C1orf185: variants seen among roughly 807,000 people sequenced by gnomAD.
C1orf185 encodes the protein chromosome 1 open reading frame 185.
A neutral mutation model predicts 16.1 loss-of-function variants in C1orf185; 13 were observed. The observed-to-expected ratio is 0.81, with a 90% CI of 0.53 to 1.28. The LOEUF is 1.28. C1orf185 is among the 50% of genes most tolerant of loss of function. The pLI, the probability that C1orf185 is intolerant of heterozygous loss-of-function variation, is 0.00. For missense variants in C1orf185, 220 were observed against 225.2 expected (o/e 0.98, Z 0.15); for synonymous variants, 80 against 76.9 (o/e 1.04, Z -0.21).
intron 2 of C1orf185, among the ~76,000 whole-genome samples, chr1:51,115,070 C>T (rs113697197): frequency 9.9e-5 from 15 of 152,060 alleles, no homozygotes; most frequent in East Asian, 3.9e-4. Flanking sequence ...TGAGGCCGGG[C>T]GCAGTGGCTG....
intron 2 of C1orf185, among the ~76,000 whole-genome samples, chr1:51,115,378 T>C (rs1380912990): frequency 6.6e-6 from 1 of 152,234 alleles, no homozygotes; most frequent in Non-Finnish European, 1.5e-5. Context: ...ATATTGCATT[T>C]ATCCATCCAT....
At chr1:51,144,367 A>C (rs1198272115) in intron 3 of C1orf185, among the ~76,000 whole-genome samples, 1 of 152,220 alleles carries the variant, frequency 6.6e-6, no homozygotes, top group Non-Finnish European at 1.5e-5. Context: ...AGGTAAGGCC[A>C]GGAAGCCCAT....
At chr1:51,131,635 G>T (rs988025650) in intron 3 of C1orf185, among the ~76,000 whole-genome samples, 1 of 151,976 alleles carries the variant, frequency 6.6e-6, no homozygotes, top group Non-Finnish European at 1.5e-5. Flanking sequence ...GAGAGAGAGA[G>T]AAAGGAAGAA....
At chr1:51,127,885 G>GTTTTT (rs769457494) in intron 3 of C1orf185, among the ~76,000 whole-genome samples, 20 of 115,296 alleles carry the variant, frequency 1.7e-4, no homozygotes, top group Non-Finnish European at 2.6e-4. Context: ...TCTTTTCTTT[G>GTTTTT]TTTTTTTTTT....
intron 3 of C1orf185, among the ~76,000 whole-genome samples, chr1:51,138,188 T>C (rs938238767): frequency 3.9e-5 from 6 of 152,298 alleles, no homozygotes; most frequent in South Asian, 2.1e-4. Context: ...CCTGCACATG[T>C]ACTCCTGAAC....
At chr1:51,119,899 C>T (rs1401716468) in intron 3 of C1orf185, among the ~76,000 whole-genome samples, 1 of 151,952 alleles carries the variant, frequency 6.6e-6, no homozygotes, top group Non-Finnish European at 1.5e-5. Flanking sequence ...TAGATGAGCT[C>T]AAAATCAGTA....
chr1:51,122,521 G>T (rs1020286997), intron 3 of C1orf185, among the ~76,000 whole-genome samples: 4 of 152,104 alleles, frequency 2.6e-5, no homozygotes, highest in African/African-American at 9.7e-5. Context: ...CCCCACACAG[G>T]CACAGCCTCC....
intron 1 of C1orf185, among the ~76,000 whole-genome samples, chr1:51,103,450 A>ACACAC (rs756442424): frequency 0.11 from 5,475 of 51,540 alleles, 172 homozygotes; most frequent in Admixed American, 0.21. Context: ...CACACACACA[A>ACACAC]AAACCACGAA....
rs11801540 is a variant in C1orf185, at chr1:51,138,378, A to G, written c.259-7346A>G. ...GTATTCACGTTGTGCAACCATCACC[A>G]CCATTCATCTTCAGAATTTGTTTGT... On this transcript the variant is annotated intron_variant, in intron 3 of 4. Coordinates refer to ENST00000371759, the MANE Select transcript of C1orf185 (RefSeq NM_001136508.2). Among the ~76,000 whole-genome samples, 1,082 of 152,288 alleles carry G rather than the reference A, an allele frequency of 7.1e-3. 14 individuals are homozygous for G. The highest frequency in any genetic ancestry group is 0.025 in the African/African-American group (1,034 of 41,562).
At chr1:51,114,210 AAG>A (rs1406514645) in intron 2 of C1orf185, among the ~76,000 whole-genome samples, 2 of 152,272 alleles carry the variant, frequency 1.3e-5, no homozygotes, top group African/African-American at 4.8e-5. Context: ...CATGAAATTG[AAG>A]AGACATGTAA....
chr1:51,152,194 C>T (rs1646432685), downstream of C1orf185, among the ~76,000 whole-genome samples: 2 of 152,134 alleles, frequency 1.3e-5, no homozygotes, highest in Admixed American at 6.5e-5. Context: ...ACAGGATCAG[C>T]AGTTGGAAGA....
At position 51,118,755 on chromosome 1, in the gene C1orf185, G is replaced by A. The variant is rs1393044386; in HGVS notation, c.212G>A (p.Cys71Tyr). 2 of 1,491,468 alleles carry A rather than the reference G, an allele frequency of 1.3e-6. No individual in the cohort carries two copies. The highest frequency in any genetic ancestry group is 2.1e-5 in the Admixed American group (1 of 47,542). 92.4% of individuals were successfully genotyped at this position (1,491,468 alleles called of 1,614,324 possible). ...SMAKIKSHSQ[C>Y]VFISRNFHTG... Reference sequence around the variant, plus strand: ...GCGAAGATTAAATCTCATTCTCAGTGTGTTTTTATTTCTCGAAATTTTCAT... The same window carrying A: ...GCGAAGATTAAATCTCATTCTCAGTATGTTTTTATTTCTCGAAATTTTCAT... The change falls in exon 3 of 5, where the codon TGT (cysteine) becomes TAT (tyrosine). Residue 71 changes from cysteine (C) to tyrosine (Y), a missense_variant. Transcript: ENST00000371759.
intron 3 of C1orf185, among the ~76,000 whole-genome samples, chr1:51,121,408 G>A (rs1646196726): frequency 6.6e-6 from 1 of 151,982 alleles, no homozygotes; most frequent in South Asian, 2.1e-4. Flanking sequence ...TTAATATAAT[G>A]TCCTCCAGGT....
rs1399235604 is a variant in C1orf185 at position 51,147,697 on chromosome 1, G to C, written c.526G>C (p.Glu176Gln). 6.4e-7 allele frequency: 1 copy of C among 1,550,736 alleles called. No individual in the cohort carries two copies. The highest frequency in any genetic ancestry group is 1.2e-5 in the South Asian group (1 of 83,970). Residue 176 changes from glutamate (E) to glutamine (Q), a missense_variant, in exon 5 of 5, where the codon GAA (glutamate) becomes CAA (glutamine). Glu to Gln is a conservative substitution (Grantham distance 29). Transcript: ENST00000371759. Reference protein sequence around the residue: ...PMPSLGEPLMEKVFSYLSTIS... With the variant: ...PMPSLGEPLMQKVFSYLSTIS... ...GCCTTCTCTCGGGGAACCTCTAATG[G>C]AAAAAGTATTTTCATACCTGTCAAC...
At chr1:51,117,013 T>A (rs1261953929) in intron 2 of C1orf185, among the ~76,000 whole-genome samples, 2 of 152,180 alleles carry the variant, frequency 1.3e-5, no homozygotes, top group African/African-American at 4.8e-5. Flanking sequence ...TCCACTCTTG[T>A]AATTTTTCAT....
chr1:51,129,096 G>T (rs950619559), intron 3 of C1orf185, among the ~76,000 whole-genome samples: 2 of 152,006 alleles, frequency 1.3e-5, no homozygotes, highest in South Asian at 2.1e-4. Context: ...TGTTGGCCAG[G>T]CTGGTCTCAA....
intron 3 of C1orf185, among the ~76,000 whole-genome samples, chr1:51,143,030 C>T (rs1646375947): frequency 6.6e-6 from 1 of 152,178 alleles, no homozygotes; most frequent in Non-Finnish European, 1.5e-5. Flanking sequence ...TCCCAAAGTA[C>T]TAGGATTACA....
intron 3 of C1orf185, among the ~76,000 whole-genome samples, chr1:51,138,142 C>A (rs1420443645): frequency 1.3e-5 from 2 of 152,114 alleles, no homozygotes; most frequent in African/African-American, 2.4e-5. Flanking sequence ...ATCTGTACAA[C>A]AAACTCCCAA....
At chr1:51,127,786 G>A (rs750727290) in intron 3 of C1orf185, among the ~76,000 whole-genome samples, 51 of 151,856 alleles carry the variant, frequency 3.4e-4, no homozygotes, top group Non-Finnish European at 5.6e-4. Context: ...TCTTGTTGAC[G>A]GATATTGGGT....
Sources: gnomAD v4.1 joint callset for allele counts (sites outside exome capture counted in the v4.1 genomes callset) on GRCh38, gnomAD v4.1.1 for gene constraint, MANE v1.5 for transcripts, NCBI Gene and HGNC (gene_info 2026-07-23, HGNC 2026-07-21) for gene names.